ARK2N: variants seen among roughly 807,000 people sequenced by gnomAD.
The protein encoded by ARK2N is protein ARK2N.
chr18:46,186,592 C>T, the ARK2N span, among the ~76,000 whole-genome samples: 1 of 149,170 alleles, frequency 6.7e-6, no homozygotes, highest in Non-Finnish European at 1.5e-5. Flanking sequence ...ACAAGCTCCA[C>T]CTTCCGGGTT....
chr18:46,176,854 C>A, the ARK2N span, among the ~76,000 whole-genome samples: 65 of 152,222 alleles, frequency 4.3e-4, no homozygotes, highest in Admixed American at 8.5e-4. Context: ...TGACCTCAGG[C>A]AATCTGCCTG....
At chr18:46,216,035 T>A in the ARK2N span, 1 of 1,614,132 alleles carries the variant, frequency 6.2e-7, no homozygotes, top group Non-Finnish European at 8.5e-7. This position sits in a 1 kb window ranked among gnomAD's most constrained non-coding sequence, Gnocchi z 4.3. Flanking sequence ...TCTACAGTTA[T>A]TTCTTCAATG....
the ARK2N span, among the ~76,000 whole-genome samples, chr18:46,231,379 A>G: frequency 6.6e-6 from 1 of 152,132 alleles, no homozygotes; most frequent in Non-Finnish European, 1.5e-5. Context: ...AGACTTGACA[A>G]ATGGCTGGAG....
chr18:46,175,387 C>T, the ARK2N span, among the ~76,000 whole-genome samples: 1 of 152,138 alleles, frequency 6.6e-6, no homozygotes, highest in African/African-American at 2.4e-5. Context: ...TGGGTACATG[C>T]TAACAGAATC....
chr18:46,222,326 G>GT, the ARK2N span, among the ~76,000 whole-genome samples: 1 of 152,106 alleles, frequency 6.6e-6, no homozygotes, highest in African/African-American at 2.4e-5. Flanking sequence ...GTGGAGTCTG[G>GT]TTTTTTTGAA....
At chr18:46,181,268 G>A in the ARK2N span, among the ~76,000 whole-genome samples, 6 of 150,814 alleles carry the variant, frequency 4.0e-5, no homozygotes, top group South Asian at 2.1e-4. Context: ...CTCGGGAGGT[G>A]GGGGGGGAAA....
At chr18:46,261,593 C>T in the ARK2N span, among the ~76,000 whole-genome samples, 527 of 152,302 alleles carry the variant, frequency 3.5e-3, 3 homozygotes, top group Non-Finnish European at 6.5e-3. Flanking sequence ...GTGAATTAGA[C>T]ATTGGGCTTT....
the ARK2N span, among the ~76,000 whole-genome samples, chr18:46,245,815 A>C: frequency 6.6e-6 from 1 of 152,202 alleles, no homozygotes; most frequent in East Asian, 1.9e-4. Flanking sequence ...ACTGTTTTCC[A>C]TGATAATTTA....
chr18:46,214,192 G>C, the ARK2N span, among the ~76,000 whole-genome samples: 8 of 152,288 alleles, frequency 5.3e-5, no homozygotes, highest in Admixed American at 2.0e-4. Context: ...TGTTTTAAAG[G>C]ATTTTGCAAA....
At chr18:46,215,726 G>GC in the ARK2N span, 1 of 642,052 alleles carries the variant, frequency 1.6e-6, no homozygotes, top group East Asian at 2.8e-5. Flanking sequence ...AGTAAGTTTT[G>GC]CCCCACCCAC....
At chr18:46,222,326 G>T in the ARK2N span, among the ~76,000 whole-genome samples, 2 of 152,106 alleles carry the variant, frequency 1.3e-5, no homozygotes, top group Non-Finnish European at 2.9e-5. Context: ...GTGGAGTCTG[G>T]TTTTTTTGAA....
At chr18:46,227,727 A>G in the ARK2N span, among the ~76,000 whole-genome samples, 1 of 151,942 alleles carries the variant, frequency 6.6e-6, no homozygotes, top group African/African-American at 2.4e-5. Context: ...CCTCCTAAGT[A>G]GTTGGGATTA....
chr18:46,241,065 A>C, the ARK2N span, among the ~76,000 whole-genome samples: 129 of 152,360 alleles, frequency 8.5e-4, no homozygotes, highest in African/African-American at 3.0e-3. Context: ...TAGTTTAATC[A>C]CTACCTAAAG....
chr18:46,233,320 A>G, the ARK2N span, among the ~76,000 whole-genome samples: 2 of 152,146 alleles, frequency 1.3e-5, no homozygotes, highest in Non-Finnish European at 2.9e-5. Context: ...TGGCTAATAT[A>G]TCTAAATTTT....
At chr18:46,200,979 CTTTTTTTTTTT>C in the ARK2N span, among the ~76,000 whole-genome samples, 4,281 of 112,910 alleles carry the variant, frequency 0.038, 207 homozygotes, top group African/African-American at 0.12. Context: ...TTTCTTTTTT[CTTTTTTTTTTT>C]TTTTTTTGAG....
At chr18:46,173,572 C>G in the ARK2N span, 1 of 152,254 alleles carries the variant, frequency 6.6e-6, no homozygotes, top group African/African-American at 2.4e-5. Flanking sequence ...TGCCGCTGCC[C>G]GAGAAGAGCT....
chr18:46,192,494 T>C, the ARK2N span, among the ~76,000 whole-genome samples: 1 of 152,040 alleles, frequency 6.6e-6, no homozygotes, highest in Admixed American at 6.5e-5. Context: ...GAAGAATTGC[T>C]TGAACCCGGG....
chr18:46,260,057 A>G, the ARK2N span, among the ~76,000 whole-genome samples: 1 of 151,618 alleles, frequency 6.6e-6, no homozygotes, highest in Non-Finnish European at 1.5e-5. Flanking sequence ...CTGTTTTTGA[A>G]CAAATCTTAA....
At chr18:46,234,310 G>A in the ARK2N span, among the ~76,000 whole-genome samples, 1 of 152,040 alleles carries the variant, frequency 6.6e-6, no homozygotes, top group Non-Finnish European at 1.5e-5. Context: ...TGATTCTCCT[G>A]CCTCAGCCTC....
Sources: allele counts gnomAD v4.1 joint callset (sites outside exome capture counted in the v4.1 genomes callset), GRCh38; gene constraint gnomAD v4.1.1; non-coding constraint Gnocchi (gnomAD v3.1); transcripts MANE v1.5; gene names NCBI Gene and HGNC (gene_info 2026-07-23, HGNC 2026-07-21).